JAZF1: variants seen among roughly 807,000 people sequenced by gnomAD.
JAZF1 encodes juxtaposed with another zinc finger protein 1.
Under a neutral mutation model 26.4 loss-of-function variants are expected in JAZF1, and 8 were observed. The observed-to-expected ratio is 0.30, with a 90% CI of 0.18 to 0.55. JAZF1 has a LOEUF of 0.55. JAZF1 is among the 20% of genes least tolerant of loss of function. The pLI is 0.94. For synonymous variants in JAZF1, 126 were observed against 122.3 expected (o/e 1.03, Z -0.20); for missense variants, 199 against 322.0 (o/e 0.62, Z 2.92).
In JAZF1 at chr7:27,950,382, C is replaced by A. The variant is rs537789646; in HGVS notation, c.188+41527G>T. ...CCAGGTGGCCCAGTGCCCATAGGCA[C>A]GTTTGGATCCATTGCCTTGGAATGC... On this transcript the variant is annotated intron_variant, in intron 2 of 4. Transcript: ENST00000283928. Among the ~76,000 whole-genome samples the A allele has an allele frequency of 2.6e-5, 4 of 152,210 alleles. No homozygotes were observed. In the South Asian group the frequency reaches 8.3e-4, roughly 32 times the overall value.
At chr7:27,978,348 G>A (rs1785511973) in intron 2 of JAZF1, among the ~76,000 whole-genome samples, 1 of 152,114 alleles carries the variant, frequency 6.6e-6, no homozygotes, top group Non-Finnish European at 1.5e-5. Flanking sequence ...TGGAAATGTG[G>A]GAAAAACAGT....
chr7:27,899,471 G>A (rs1784128876), intron 2 of JAZF1, among the ~76,000 whole-genome samples: 1 of 152,158 alleles, frequency 6.6e-6, no homozygotes, highest in African/African-American at 2.4e-5. Flanking sequence ...GGGTCTCGCT[G>A]TCACCCAGGC....
intron 1 of JAZF1, among the ~76,000 whole-genome samples, chr7:28,029,645 T>G (rs977893368): frequency 2.0e-5 from 3 of 152,256 alleles, no homozygotes; most frequent in Admixed American, 6.5e-5. Context: ...GGAATCATTT[T>G]AAGTATTGAG....
chr7:27,961,288 T>C (rs1314283555), intron 2 of JAZF1, among the ~76,000 whole-genome samples: 2 of 152,188 alleles, frequency 1.3e-5, no homozygotes, highest in Non-Finnish European at 2.9e-5. Flanking sequence ...ACTCAAGTAG[T>C]CTACCTCCAG....
intron 3 of JAZF1, among the ~76,000 whole-genome samples, chr7:27,886,067 T>C (rs1484990249): frequency 6.6e-6 from 1 of 152,220 alleles, no homozygotes. Context: ...GCAGGGTATC[T>C]TGAAAGCAGA....
At chr7:28,033,634 T>C (rs1389659085) in intron 1 of JAZF1, among the ~76,000 whole-genome samples, 1 of 152,204 alleles carries the variant, frequency 6.6e-6, no homozygotes, top group African/African-American at 2.4e-5. Flanking sequence ...TACTATCCTT[T>C]GTGCTTGACA....
At chr7:28,129,436 T>C (rs1782754553) in intron 1 of JAZF1, among the ~76,000 whole-genome samples, 1 of 152,120 alleles carries the variant, frequency 6.6e-6, no homozygotes, top group African/African-American at 2.4e-5. Context: ...GTTGATTCAT[T>C]TGGTGTGAAC....
At chr7:27,894,940 T>C (rs1435337470) in intron 3 of JAZF1, among the ~76,000 whole-genome samples, 1 of 152,188 alleles carries the variant, frequency 6.6e-6, no homozygotes, top group Non-Finnish European at 1.5e-5. Flanking sequence ...ACAGAGCCCA[T>C]TAAAAATGTT....
intron 1 of JAZF1, among the ~76,000 whole-genome samples, chr7:28,118,979 G>C (rs1196297619): frequency 6.6e-6 from 1 of 152,220 alleles, no homozygotes; most frequent in Non-Finnish European, 1.5e-5. Flanking sequence ...CTGGGGAAGA[G>C]AGCAGGGAGA....
intron 1 of JAZF1, among the ~76,000 whole-genome samples, chr7:28,004,901 C>A (rs1161671020): frequency 6.6e-6 from 1 of 152,194 alleles, no homozygotes; most frequent in Non-Finnish European, 1.5e-5. Flanking sequence ...GATTTGCCCA[C>A]CTCAGCCTCC....
intron 1 of JAZF1, among the ~76,000 whole-genome samples, chr7:28,089,390 G>T (rs1784259389): frequency 6.6e-6 from 1 of 152,204 alleles, no homozygotes; most frequent in South Asian, 2.1e-4. Context: ...GGACTTCCCA[G>T]CGTTTAGAAC....
Position 27,946,997 on chromosome 7 carries a change from T to C in JAZF1, c.188+44912A>G, listed in dbSNP as rs139184186. ...GAGTAGCTACGCTATGCCCACTGCA[T>C]TCAATCAGAAATGGTCCTGAAGTTT... On this transcript the variant is annotated intron_variant, in intron 2 of 4. Transcript: ENST00000283928. Among the ~76,000 whole-genome samples, 20 of 152,370 alleles carry C rather than the reference T, an allele frequency of 1.3e-4. No homozygotes were observed. The East Asian group carries it at 3.7e-3, about 28-fold the overall frequency.
intron 2 of JAZF1, among the ~76,000 whole-genome samples, chr7:27,921,467 A>C (rs1240290893): frequency 6.6e-6 from 1 of 152,196 alleles, no homozygotes; most frequent in Admixed American, 6.5e-5. Context: ...AGAGAGGGGA[A>C]AAGCATAATT....
At chr7:28,052,889 T>C (rs984598180) in intron 1 of JAZF1, among the ~76,000 whole-genome samples, 4 of 152,104 alleles carry the variant, frequency 2.6e-5, no homozygotes, top group African/African-American at 9.7e-5. Context: ...TTTAAGTATA[T>C]AGTTCAGCAG....
intron 1 of JAZF1, among the ~76,000 whole-genome samples, chr7:28,178,406 A>G (rs185906506): frequency 1.3e-4 from 20 of 152,316 alleles, no homozygotes; most frequent in East Asian, 1.9e-4. Context: ...GGGTAAAATT[A>G]TTACTCAGCT....
chr7:27,931,167 T>G (rs1215165179), intron 2 of JAZF1, among the ~76,000 whole-genome samples: 4 of 152,226 alleles, frequency 2.6e-5, no homozygotes, highest in African/African-American at 9.6e-5. Flanking sequence ...CAGGAAATAT[T>G]TTAGGCTTTG....
chr7:28,037,794 AG>A (rs1374269384), intron 1 of JAZF1, among the ~76,000 whole-genome samples: 1 of 152,202 alleles, frequency 6.6e-6, no homozygotes, highest in Non-Finnish European at 1.5e-5. Flanking sequence ...AATGAATTCC[AG>A]ACACCCAGGA....
intron 2 of JAZF1, among the ~76,000 whole-genome samples, chr7:27,986,637 C>G (rs1235105889): frequency 8.4e-6 from 1 of 118,634 alleles, no homozygotes; most frequent in Non-Finnish European, 1.7e-5. Context: ...TGGGCTCTCC[C>G]TCCCCCTCCC....
intron 1 of JAZF1, among the ~76,000 whole-genome samples, chr7:28,126,311 T>A (rs188123043): frequency 6.6e-6 from 1 of 152,326 alleles, no homozygotes; most frequent in Non-Finnish European, 1.5e-5. Flanking sequence ...AAAAAGTTCC[T>A]ACTCTCACCC....
Sources: allele counts gnomAD v4.1 joint callset (sites outside exome capture counted in the v4.1 genomes callset), GRCh38; gene constraint gnomAD v4.1.1; transcripts MANE v1.5; gene names NCBI Gene and HGNC (gene_info 2026-07-23, HGNC 2026-07-21).